Variants in FER observed in about 807,000 individuals in gnomAD.
The protein encoded by FER is FER tyrosine kinase.
In FER, 63 loss-of-function variants were observed where a neutral mutation model predicts 111.0. The observed-to-expected ratio is 0.57, with a 90% CI of 0.46 to 0.70. The LOEUF is 0.70. FER is among the 30% of genes least tolerant of loss of function. FER has a pLI of 0.00. For missense variants in FER, 914 were observed against 954.0 expected, an observed-to-expected ratio of 0.96 and a Z score of 0.55; for synonymous variants, 327 against 313.9, an observed-to-expected ratio of 1.04 and a Z score of -0.44.
intron 2 of FER, among the ~76,000 whole-genome samples, chr5:108,795,521 C>T (rs967491873): frequency 6.6e-6 from 1 of 150,412 alleles, no homozygotes; most frequent in African/African-American, 2.4e-5. Context: ...TTCTAGTTCT[C>T]GTAGGCATGG....
At position 109,187,493 on chromosome 5, in the gene FER, G is replaced by T; in HGVS notation, c.2387G>T (p.Cys796Phe). The change falls in exon 20 of 20, where the codon TGT (cysteine) becomes TTT (phenylalanine). Residue 796 changes from cysteine (C) to phenylalanine (F), a missense_variant. Cys to Phe is a radical substitution (Grantham distance 205). Around this residue, in one of 3 missense-constraint regions of FER, gnomAD observed 134 missense variants for 149.4 expected, o/e 0.90. Transcript: ENST00000281092. ...GATATTTCCAAAATCATGATGAAGT[G>T]TTGGGATTATAAACCTGAAAATCGC... ...PEDISKIMMK[C>F]WDYKPENRPK... is the part of the protein sequence containing the mutation. The T allele has an allele frequency of 6.2e-7, 1 of 1,614,124 alleles. No individual in the cohort carries two copies. The highest frequency in any genetic ancestry group is 8.5e-7 in the Non-Finnish European group (1 of 1,180,002).
chr5:108,896,451 T>C (rs985856385), intron 9 of FER, among the ~76,000 whole-genome samples: 1 of 152,192 alleles, frequency 6.6e-6, no homozygotes, highest in Non-Finnish European at 1.5e-5. Flanking sequence ...ATGTAAATGC[T>C]GATTACCATT....
intron 11 of FER, among the ~76,000 whole-genome samples, chr5:108,952,548 G>C (rs1426053489): frequency 1.5e-5 from 2 of 137,722 alleles, no homozygotes; most frequent in East Asian, 4.4e-4. Flanking sequence ...TGTTGTATAG[G>C]GGATGGGGAA....
intron 13 of FER, among the ~76,000 whole-genome samples, chr5:108,970,804 G>C (rs1180017301): frequency 6.6e-6 from 1 of 152,102 alleles, no homozygotes; most frequent in Non-Finnish European, 1.5e-5. Flanking sequence ...TTTAAGTCAG[G>C]CAAGATCAGT....
chr5:108,959,132 GT>G, intron 12 of FER, 92 bp from the exon 13 acceptor site: 1 of 1,342,080 alleles, frequency 7.5e-7, no homozygotes, highest in Non-Finnish European at 1.0e-6. Flanking sequence ...TGCAATTATA[GT>G]TTTTTTAAGA....
At chr5:108,787,017 A>G (rs1422403459) in intron 2 of FER, among the ~76,000 whole-genome samples, 1 of 151,908 alleles carries the variant, frequency 6.6e-6, no homozygotes, top group Non-Finnish European at 1.5e-5. Context: ...GGGGCTGTGC[A>G]CTCTGCAGAG....
intron 13 of FER, among the ~76,000 whole-genome samples, chr5:108,973,211 T>TA (rs1349763675): frequency 6.6e-6 from 1 of 152,126 alleles, no homozygotes; most frequent in Non-Finnish European, 1.5e-5. Flanking sequence ...GTTTTCACTT[T>TA]AAAAAACACC....
chr5:109,040,833 A>G (rs1226020536), intron 14 of FER, among the ~76,000 whole-genome samples: 2 of 152,120 alleles, frequency 1.3e-5, no homozygotes, highest in Non-Finnish European at 2.9e-5. Flanking sequence ...GTCATCCTTG[A>G]GCAGGTAAGA....
At chr5:108,844,095 T>TATATGCGTGAAC (rs1561500394) in intron 5 of FER, among the ~76,000 whole-genome samples, 6 of 145,588 alleles carry the variant, frequency 4.1e-5, no homozygotes, top group Non-Finnish European at 7.6e-5. Flanking sequence ...CGTGTGAACA[T>TATATGCGTGAAC]ATGTGTGTGA....
At chr5:108,794,526 A>AT (rs1755778227) in intron 2 of FER, among the ~76,000 whole-genome samples, 1 of 106,354 alleles carries the variant, frequency 9.4e-6, no homozygotes, top group African/African-American at 3.8e-5. Context: ...CCCCCTCCGC[A>AT]CCCCCCCCCC....
At chr5:108,988,018 T>C (rs1277134007) in intron 13 of FER, among the ~76,000 whole-genome samples, 3 of 152,206 alleles carry the variant, frequency 2.0e-5, no homozygotes, top group Non-Finnish European at 4.4e-5. Context: ...TGCTGAATTT[T>C]GTCAAATGCT....
At chr5:108,819,765 T>G in intron 3 of FER, 5 of 982,996 alleles carry the variant, frequency 5.1e-6, no homozygotes, top group Non-Finnish European at 6.0e-6. Context: ...TTTTTTAAAA[T>G]AGAGATTCAG....
At chr5:109,126,472 A>G (rs567030188) in intron 17 of FER, among the ~76,000 whole-genome samples, 74 of 152,226 alleles carry the variant, frequency 4.9e-4, no homozygotes, top group Non-Finnish European at 9.1e-4. Context: ...TTTCAGGGCT[A>G]GGCCCGTCTA....
chr5:109,014,986 A>T (rs549553985), intron 13 of FER: 1 of 152,072 alleles, frequency 6.6e-6, no homozygotes, highest in South Asian at 2.1e-4. Context: ...TTTTTTTTAA[A>T]GACTGTTTTG....
chr5:108,842,197 A>G (rs1761337819), intron 5 of FER: 1 of 154,038 alleles, frequency 6.5e-6, no homozygotes, highest in Non-Finnish European at 1.4e-5. Context: ...TCATGAATTG[A>G]TGATCATTCA....
intron 2 of FER, among the ~76,000 whole-genome samples, chr5:108,774,962 T>G (rs190565714): frequency 3.5e-4 from 53 of 152,342 alleles, no homozygotes; most frequent in African/African-American, 1.3e-3. Context: ...CATGAAGTCT[T>G]TGCTCATGCC....
At chr5:108,864,834 A>T (rs999537640) in intron 5 of FER, among the ~76,000 whole-genome samples, 1 of 152,016 alleles carries the variant, frequency 6.6e-6, no homozygotes, top group African/African-American at 2.4e-5. Flanking sequence ...TTGACTTGGC[A>T]ATGTGGGCTC....
chr5:109,022,546 A>T (rs1356600037), intron 13 of FER, among the ~76,000 whole-genome samples: 7 of 152,076 alleles, frequency 4.6e-5, no homozygotes, highest in Non-Finnish European at 1.0e-4. Flanking sequence ...ACATTTAATG[A>T]TTTGTTGACT....
chr5:109,075,110 C>T (rs946020983), intron 16 of FER, among the ~76,000 whole-genome samples: 3 of 152,142 alleles, frequency 2.0e-5, no homozygotes, highest in African/African-American at 4.8e-5. Context: ...CTGTACACTT[C>T]CCCTTGCAAA....
Sources: gnomAD v4.1 joint callset for allele counts (sites outside exome capture counted in the v4.1 genomes callset) on GRCh38, gnomAD v4.1.1 for gene constraint, gnomAD v4.1.1 regional missense constraint, MANE v1.5 for transcripts, NCBI Gene and HGNC (gene_info 2026-07-23, HGNC 2026-07-21) for gene names.